The following HTR7 variants were observed in gnomAD, a reference collection of about 807,000 sequenced individuals.
The protein encoded by HTR7 is 5-HT-7.
In HTR7, 16 loss-of-function variants were observed where a neutral mutation model predicts 34.0. That is an observed-to-expected ratio of 0.47 (90% CI 0.32 to 0.71). The LOEUF is 0.71. Ranked by LOEUF, HTR7 falls within the 30% of genes least tolerant of loss-of-function variation. The probability of loss-of-function intolerance (pLI) is 0.04; values close to 1 mark genes in which losing one functional copy is unlikely to be tolerated. For missense variants in HTR7, 504 were observed against 625.5 expected (o/e 0.81, Z 2.07); for synonymous variants, 265 against 260.2 (o/e 1.02, Z -0.18).
chr10:90,793,700 C>T (rs906187354), intron 1 of HTR7, among the ~76,000 whole-genome samples: 11 of 151,992 alleles, frequency 7.2e-5, no homozygotes, highest in Admixed American at 1.3e-4. Flanking sequence ...GATCACAAGG[C>T]GAAATCCCAC....
intron 1 of HTR7, among the ~76,000 whole-genome samples, chr10:90,817,680 C>G (rs1281978104): frequency 6.6e-6 from 1 of 152,156 alleles, no homozygotes; most frequent in Non-Finnish European, 1.5e-5. Context: ...CTGGGCAAGC[C>G]CTTAAGGTGG....
intron 1 of HTR7, among the ~76,000 whole-genome samples, chr10:90,834,435 G>A (rs966323611): frequency 2.0e-4 from 30 of 152,192 alleles, no homozygotes; most frequent in Non-Finnish European, 7.3e-5. Context: ...AGCTTTTTCT[G>A]TATAACAAAC....
intron 1 of HTR7, among the ~76,000 whole-genome samples, chr10:90,815,065 A>C (rs571695669): frequency 3.8e-4 from 57 of 151,148 alleles, no homozygotes; most frequent in African/African-American, 1.3e-3. Context: ...CAGGATTGCA[A>C]AAGTTGGATT....
At chr10:90,803,931 C>T (rs949050444) in intron 1 of HTR7, among the ~76,000 whole-genome samples, 7 of 152,142 alleles carry the variant, frequency 4.6e-5, no homozygotes, top group African/African-American at 1.7e-4. Context: ...GTTTCTCCCA[C>T]CGAGTGTTGC....
rs1844555062 is a variant in HTR7, at chr10:90,741,931, A to T, written c.*551T>A. The T allele has an allele frequency of 6.6e-6, 1 of 152,650 alleles. No homozygotes were observed. The highest frequency in any genetic ancestry group is 2.4e-5 in the African/African-American group (1 of 41,436). The allele number at this position is 152,650 out of a possible 1,614,324, so 9.5% of individuals were successfully genotyped here. On this transcript the variant is annotated 3_prime_UTR_variant, in exon 4 of 4. Transcript: ENST00000336152. ...AGAGACCCTGCAGAAAAGCCAAACT[A>T]TTTGACAGAAGCTTGAAACAAACAC... is the stretch of plus-strand genomic sequence containing the variant.
At chr10:90,792,841 C>T (rs1845479603) in intron 1 of HTR7, among the ~76,000 whole-genome samples, 1 of 151,884 alleles carries the variant, frequency 6.6e-6, no homozygotes, top group Non-Finnish European at 1.5e-5. Flanking sequence ...ACCATATATC[C>T]ACATGCAAAA....
intron 1 of HTR7, among the ~76,000 whole-genome samples, chr10:90,797,357 G>A (rs755163749): frequency 2.0e-5 from 3 of 152,090 alleles, no homozygotes; most frequent in African/African-American, 7.2e-5. Flanking sequence ...TGTCTATTGT[G>A]AGCAACTCAT....
At chr10:90,815,775 G>T (rs550096590) in intron 1 of HTR7, among the ~76,000 whole-genome samples, 18 of 152,282 alleles carry the variant, frequency 1.2e-4, no homozygotes, top group Non-Finnish European at 8.8e-5. Flanking sequence ...CAGTAAGATT[G>T]CCCAAGCCCA....
At chr10:90,783,511 C>G (rs1006407239) in intron 1 of HTR7, among the ~76,000 whole-genome samples, 1 of 152,232 alleles carries the variant, frequency 6.6e-6, no homozygotes, top group African/African-American at 2.4e-5. Context: ...GGGCCCCTTG[C>G]TTTCTCTCCA....
At chr10:90,781,190 T>C (rs1201083277) in intron 1 of HTR7, among the ~76,000 whole-genome samples, 1 of 152,190 alleles carries the variant, frequency 6.6e-6, no homozygotes, top group Non-Finnish European at 1.5e-5. Flanking sequence ...CATAATTTAT[T>C]TATGTATGTT....
At chr10:90,783,927 A>G (rs1845344480) in intron 1 of HTR7, among the ~76,000 whole-genome samples, 1 of 152,316 alleles carries the variant, frequency 6.6e-6, no homozygotes, top group East Asian at 1.9e-4. Flanking sequence ...GGGAAAGGTT[A>G]CTATATAATT....
intron 1 of HTR7, among the ~76,000 whole-genome samples, chr10:90,826,555 TAA>T (rs1846077615): frequency 6.6e-6 from 1 of 152,194 alleles, no homozygotes; most frequent in South Asian, 2.1e-4. Context: ...GACAGTACTA[TAA>T]GATATAAATA....
chr10:90,842,908 T>C lies in HTR7; in HGVS notation c.539+14225A>G, dbSNP rs937772379. Reference sequence around the variant, plus strand: ...AGTAACTCACCAGCCTACTATGTTCTCATGAGGCCATCCCTTGGGACTGTC... The same window carrying C: ...AGTAACTCACCAGCCTACTATGTTCCCATGAGGCCATCCCTTGGGACTGTC... On this transcript the variant is annotated intron_variant, in intron 1 of 3. Coordinates refer to ENST00000336152, the MANE Select transcript of HTR7 (RefSeq NM_019859.4). 1.3e-5 allele frequency among the ~76,000 whole-genome samples: 2 copies of C among 152,198 alleles called. 1 individual carries two copies. Among genetic ancestry groups the C allele is most frequent in the East Asian group, 3.9e-4 (2 of 5,192 alleles).
At chr10:90,817,596 A>G (rs1845916908) in intron 1 of HTR7, among the ~76,000 whole-genome samples, 1 of 152,204 alleles carries the variant, frequency 6.6e-6, no homozygotes, top group Admixed American at 6.5e-5. Flanking sequence ...CTTTTTAAGG[A>G]AAATGTAAAA....
In HTR7 at chr10:90,857,610, A is replaced by G; in HGVS notation, c.62T>C (p.Leu21Pro). 1 of 1,599,694 alleles carries G rather than the reference A, an allele frequency of 6.3e-7. No individual in the cohort carries two copies. Among genetic ancestry groups the G allele is most frequent in the East Asian group, 2.3e-5 (1 of 44,220 alleles). Reference sequence around the variant, plus strand: ...GGGCAGCCCGCGCCCCACTTCTGGCAGAAGGAAAGAGCGGAGGTGCCCGTA... The same window carrying G: ...GGGCAGCCCGCGCCCCACTTCTGGCGGAAGGAAAGAGCGGAGGTGCCCGTA... Reference protein sequence around the residue: ...DLYGHLRSFLLPEVGRGLPDL... With the variant: ...DLYGHLRSFLPPEVGRGLPDL... Residue 21 changes from leucine to proline, a missense_variant, in exon 1 of 4, where the codon CTG becomes CCG. By Grantham distance (98) the Leu-to-Pro change is moderately conservative. Around this residue, in one of 4 missense-constraint regions of HTR7, gnomAD observed 139 missense variants for 117.1 expected, o/e 1.19. Coordinates refer to ENST00000336152, the MANE Select transcript of HTR7 (RefSeq NM_019859.4). The surrounding 1 kb of genome is among the most constrained non-coding windows in gnomAD (Gnocchi z 6.5).
At chr10:90,821,171 C>T (rs1358321453) in intron 1 of HTR7, among the ~76,000 whole-genome samples, 2 of 150,688 alleles carry the variant, frequency 1.3e-5, no homozygotes, top group African/African-American at 2.5e-5. Context: ...TTCATAAGAA[C>T]CAAACATTAA....
intron 1 of HTR7, among the ~76,000 whole-genome samples, chr10:90,803,129 G>C (rs980151297): frequency 6.6e-6 from 1 of 151,026 alleles, no homozygotes; most frequent in African/African-American, 2.4e-5. Flanking sequence ...TAAAGGAGAA[G>C]AAGATACCAA....
intron 1 of HTR7, among the ~76,000 whole-genome samples, chr10:90,780,536 CAAAA>C (rs57590024): frequency 2.8e-5 from 2 of 70,944 alleles, no homozygotes; most frequent in African/African-American, 5.0e-5. Context: ...GACTCCATCT[CAAAA>C]AAAAAAAAAA....
chr10:90,779,018 C>T (rs962793285), intron 1 of HTR7, among the ~76,000 whole-genome samples: 1 of 152,188 alleles, frequency 6.6e-6, no homozygotes, highest in African/African-American at 2.4e-5. Context: ...ACTTTCTGCA[C>T]AGTGTGCTAG....
Sources: allele counts gnomAD v4.1 joint callset (sites outside exome capture counted in the v4.1 genomes callset), GRCh38; gene constraint gnomAD v4.1.1; regional missense constraint gnomAD v4.1.1; non-coding constraint Gnocchi (gnomAD v3.1); transcripts MANE v1.5; gene names NCBI Gene and HGNC (gene_info 2026-07-23, HGNC 2026-07-21).